Variants in RNF130 observed in about 807,000 individuals in gnomAD.
The protein encoded by RNF130 is ring finger protein 130.
In RNF130, 21 loss-of-function variants were observed where a neutral mutation model predicts 44.6. That is an observed-to-expected ratio of 0.47 (90% CI 0.33 to 0.68). The LOEUF (loss-of-function observed/expected upper bound fraction) is 0.68, where lower values mean the gene tolerates loss of function less well. Ranked by LOEUF, RNF130 falls within the 30% of genes least tolerant of loss-of-function variation. RNF130 has a pLI of 0.02. For missense variants in RNF130, 479 were observed against 560.6 expected, an observed-to-expected ratio of 0.85 and a Z score of 1.47; for synonymous variants, 214 against 210.4, an observed-to-expected ratio of 1.02 and a Z score of -0.15.
At chr5:180,022,988 A>G (rs1763907226) in intron 2 of RNF130, among the ~76,000 whole-genome samples, 1 of 152,248 alleles carries the variant, frequency 6.6e-6, no homozygotes, top group Non-Finnish European at 1.5e-5. Flanking sequence ...AGAACTCTAA[A>G]AGACCTTCAA....
chr5:180,049,178 C>T (rs1000895534), intron 1 of RNF130, among the ~76,000 whole-genome samples: 1 of 152,154 alleles, frequency 6.6e-6, no homozygotes, highest in Non-Finnish European at 1.5e-5. Flanking sequence ...AAAAAGAAAG[C>T]TTCTTTGGTT....
intron 3 of RNF130, among the ~76,000 whole-genome samples, chr5:180,007,291 C>T (rs758631352): frequency 3.9e-5 from 6 of 152,016 alleles, no homozygotes; most frequent in Non-Finnish European, 7.4e-5. Flanking sequence ...GTCCCAGCTA[C>T]GTGTGAGGCT....
At chr5:179,912,314 G>A (rs1039933330) in exon 8 of RNF130, 1 of 152,256 alleles carries the variant, frequency 6.6e-6, no homozygotes, top group African/African-American at 2.4e-5. Flanking sequence ...GGAACAGGAT[G>A]CTTCCATCAG....
At chr5:180,067,777 C>A (rs890040394) in intron 1 of RNF130, among the ~76,000 whole-genome samples, 1 of 152,158 alleles carries the variant, frequency 6.6e-6, no homozygotes, top group African/African-American at 2.4e-5. Context: ...ATTTTGAAAT[C>A]TGTGTCCAAT....
At chr5:180,022,545 A>T (rs1763896953) in intron 2 of RNF130, among the ~76,000 whole-genome samples, 1 of 152,162 alleles carries the variant, frequency 6.6e-6, no homozygotes, top group African/African-American at 2.4e-5. Flanking sequence ...ACATCTCCTT[A>T]CATCTGATTA....
chr5:179,959,017 C>T (rs1412368564), intron 8 of RNF130, among the ~76,000 whole-genome samples: 2 of 152,120 alleles, frequency 1.3e-5, no homozygotes, highest in Non-Finnish European at 2.9e-5. Flanking sequence ...AAATCTGCCT[C>T]CCTGTAGATA....
chr5:179,931,829 C>G (rs775749637), intron 7 of RNF130, among the ~76,000 whole-genome samples: 1 of 152,012 alleles, frequency 6.6e-6, no homozygotes, highest in Admixed American at 6.6e-5. Context: ...GTGATTCAGG[C>G]CCCCCAGCAC....
At chr5:179,938,649 T>C (rs79448685) in intron 7 of RNF130, among the ~76,000 whole-genome samples, 2,760 of 152,310 alleles carry the variant, frequency 0.018, 99 homozygotes, top group African/African-American at 0.062. Context: ...CTTAACATTA[T>C]ATATTTAAAT....
intron 1 of RNF130, among the ~76,000 whole-genome samples, chr5:180,056,250 G>A (rs62405024): frequency 1.0e-5 from 1 of 99,396 alleles, no homozygotes; most frequent in African/African-American, 3.0e-5. Flanking sequence ...TAGTATCTGT[G>A]GGGAAAAAAA....
chr5:180,030,832 C>T (rs527675053), intron 2 of RNF130, among the ~76,000 whole-genome samples: 51 of 152,284 alleles, frequency 3.3e-4, no homozygotes, highest in African/African-American at 1.2e-3. Context: ...TAGCATAATG[C>T]TTTTGAGGTT....
chr5:179,994,921 AG>A (rs939255805), intron 3 of RNF130, among the ~76,000 whole-genome samples: 3 of 152,270 alleles, frequency 2.0e-5, no homozygotes, highest in Admixed American at 1.3e-4. Context: ...GGGTTGGGCC[AG>A]GGAAAGCTCA....
chr5:179,913,142 T>C (rs1421900023), exon 8 of RNF130: 1 of 152,248 alleles, frequency 6.6e-6, no homozygotes, highest in Non-Finnish European at 1.5e-5. Flanking sequence ...GCACGTGCGC[T>C]GGGCAAGGTG....
In RNF130 at chr5:180,071,660, G is replaced by C. The variant is rs961235291; in HGVS notation, c.43C>G (p.Leu15Val). ...CACAGGCTGCAGGTCAGCAGGGCGA[G>C]CGCGGCGAGCCGGGCAGGGCCCGCC... is the stretch of plus-strand genomic sequence containing the variant. ...GRAGPARLAA[L>V]ALLTCSLWPA... Residue 15 changes from leucine (L) to valine (V), a missense_variant, in exon 1 of 9, where the codon CTC becomes GTC. This residue lies in a region of RNF130 where 138 missense variants were observed against 126.9 expected (regional missense o/e 1.09). Coordinates refer to ENST00000521389, the MANE Select transcript of RNF130 (RefSeq NM_018434.6). 7.0e-7 allele frequency: 1 copy of C among 1,436,498 alleles called. No individual in the cohort carries two copies. The highest frequency in any genetic ancestry group is 2.0e-4 in the Middle Eastern group (1 of 4,912). The allele number at this position is 1,436,498 out of a possible 1,614,324, so 89.0% of individuals were successfully genotyped here.
rs1480327858 is a variant in RNF130, at chr5:179,963,804, T to C, written c.1151-240A>G. The C allele has an allele frequency of 9.5e-6, 5 of 528,010 alleles. No individual in the cohort carries two copies. The Admixed American group carries it at 1.6e-4, about 17-fold the overall frequency. The allele number at this position is 528,010 out of a possible 1,614,324, so 32.7% of individuals were successfully genotyped here. ...GGCTCAACCATTTCTTCCATTTAGG[T>C]CCTGAGGTCTGTGAGGAGTGTAGCC... On this transcript the variant is annotated intron_variant, in intron 7 of 8. Coordinates refer to ENST00000521389, the MANE Select transcript of RNF130 (RefSeq NM_018434.6).
At chr5:179,993,079 A>C (rs2113036347) in intron 3 of RNF130, among the ~76,000 whole-genome samples, 1 of 152,320 alleles carries the variant, frequency 6.6e-6, no homozygotes, top group South Asian at 2.1e-4. Context: ...GCTGCATAGT[A>C]TTCCATGGTG....
intron 5 of RNF130, among the ~76,000 whole-genome samples, chr5:179,971,289 G>C (rs1762580363): frequency 6.6e-6 from 1 of 152,202 alleles, no homozygotes; most frequent in African/African-American, 2.4e-5. Context: ...GCCAAACAGG[G>C]AGAAGGTGGG....
intron 8 of RNF130, among the ~76,000 whole-genome samples, chr5:179,957,398 C>A (rs1056502977): frequency 2.0e-5 from 3 of 152,122 alleles, no homozygotes; most frequent in African/African-American, 7.2e-5. Flanking sequence ...GGTGAGAGAG[C>A]GAGACCCTGT....
chr5:179,987,910 A>G (rs1316520299), intron 3 of RNF130, among the ~76,000 whole-genome samples: 1 of 152,206 alleles, frequency 6.6e-6, no homozygotes, highest in Non-Finnish European at 1.5e-5. Context: ...GTTCAAGGAC[A>G]TTGGCCTGCC....
chr5:179,977,679 C>T lies in RNF130; in HGVS notation c.848+524G>A, dbSNP rs746397326. Among the ~76,000 whole-genome samples the T allele has an allele frequency of 5.9e-5, 9 of 152,120 alleles. No homozygotes were observed. Among genetic ancestry groups the T allele is most frequent in the Non-Finnish European group, 1.2e-4 (8 of 68,026 alleles). Reference sequence around the variant, plus strand: ...ACCAACTGGCCAACATGATGAAACCCCGTCTCTACTAAAAATACAAAAATT... The same window carrying T: ...ACCAACTGGCCAACATGATGAAACCTCGTCTCTACTAAAAATACAAAAATT... On this transcript the variant is annotated intron_variant, in intron 5 of 8. Coordinates refer to ENST00000521389, the MANE Select transcript of RNF130 (RefSeq NM_018434.6). This position sits in a 1 kb window ranked among gnomAD's most constrained non-coding sequence, Gnocchi z 4.1.
Sources: allele counts gnomAD v4.1 joint callset (sites outside exome capture counted in the v4.1 genomes callset), GRCh38; gene constraint gnomAD v4.1.1; regional missense constraint gnomAD v4.1.1; non-coding constraint Gnocchi (gnomAD v3.1); transcripts MANE v1.5; gene names NCBI Gene and HGNC (gene_info 2026-07-23, HGNC 2026-07-21).